QTMAN: variants seen among roughly 807,000 people sequenced by gnomAD.
The protein encoded by QTMAN is queuosine-tRNA mannosyltransferase, also known as tRNA-queuosine alpha-mannosyltransferase.
the QTMAN span, among the ~76,000 whole-genome samples, chr2:144,002,133 A>G: frequency 6.6e-6 from 1 of 152,028 alleles, no homozygotes; most frequent in Non-Finnish European, 1.5e-5. Flanking sequence ...AGGCAATGGC[A>G]CAAACAAGTC....
At chr2:144,112,164 A>C in the QTMAN span, among the ~76,000 whole-genome samples, 1 of 152,258 alleles carries the variant, frequency 6.6e-6, no homozygotes, top group Non-Finnish European at 1.5e-5. Context: ...AAGCAATTTA[A>C]CAAATGACAC....
chr2:144,135,891 A>C, the QTMAN span, among the ~76,000 whole-genome samples: 1 of 152,220 alleles, frequency 6.6e-6, no homozygotes, highest in African/African-American at 2.4e-5. Flanking sequence ...TCAACAAGAA[A>C]TGTCTTTCAG....
At chr2:144,178,171 A>G in the QTMAN span, 1 of 152,194 alleles carries the variant, frequency 6.6e-6, no homozygotes, top group Non-Finnish European at 1.5e-5. Flanking sequence ...GCCATTTCCT[A>G]TATTAGAAGC....
chr2:144,220,653 A>C, the QTMAN span, among the ~76,000 whole-genome samples: 1 of 152,226 alleles, frequency 6.6e-6, no homozygotes, highest in African/African-American at 2.4e-5. Context: ...AAAGTTACTT[A>C]GGAGTTAGTT....
At chr2:144,170,744 T>A in the QTMAN span, among the ~76,000 whole-genome samples, 1 of 152,114 alleles carries the variant, frequency 6.6e-6, no homozygotes, top group Non-Finnish European at 1.5e-5. Context: ...GACCTATGGA[T>A]AACTATCTCC....
At chr2:144,007,393 A>G in the QTMAN span, 2 of 1,613,292 alleles carry the variant, frequency 1.2e-6, no homozygotes. Context: ...TGTGTATCAC[A>G]CTCTGAATTA....
the QTMAN span, among the ~76,000 whole-genome samples, chr2:144,282,547 T>G: frequency 3.3e-5 from 5 of 152,010 alleles, no homozygotes; most frequent in African/African-American, 1.2e-4. Context: ...GAAAGGAGAA[T>G]GGAATTAGGC....
the QTMAN span, among the ~76,000 whole-genome samples, chr2:144,307,588 G>A: frequency 7.9e-5 from 12 of 152,314 alleles, no homozygotes; most frequent in Admixed American, 2.6e-4. Context: ...ATCATATATA[G>A]AGAGCATCCT....
At chr2:144,308,147 CAT>C in the QTMAN span, among the ~76,000 whole-genome samples, 2 of 147,944 alleles carry the variant, frequency 1.4e-5, no homozygotes, top group African/African-American at 2.5e-5. Flanking sequence ...AAAACCCACA[CAT>C]ATATGATTGG....
At chr2:144,098,188 C>A in the QTMAN span, among the ~76,000 whole-genome samples, 1 of 152,186 alleles carries the variant, frequency 6.6e-6, no homozygotes, top group Non-Finnish European at 1.5e-5. Context: ...AGGCTCACAA[C>A]CAATACGTCA....
At chr2:144,086,339 G>T in the QTMAN span, among the ~76,000 whole-genome samples, 2 of 152,136 alleles carry the variant, frequency 1.3e-5, no homozygotes, top group Non-Finnish European at 2.9e-5. Context: ...TTGAGATAGG[G>T]TCTCGCTGTG....
chr2:144,101,385 ATC>A, the QTMAN span, among the ~76,000 whole-genome samples: 1 of 140,714 alleles, frequency 7.1e-6, no homozygotes, highest in Non-Finnish European at 1.6e-5. Context: ...AATCATGTCT[ATC>A]TCTCTCTCAC....
the QTMAN span, among the ~76,000 whole-genome samples, chr2:144,030,113 T>C: frequency 6.6e-6 from 1 of 152,222 alleles, no homozygotes; most frequent in Non-Finnish European, 1.5e-5. Context: ...TGTTTGGCCT[T>C]TGCAGTTTAG....
the QTMAN span, among the ~76,000 whole-genome samples, chr2:144,188,684 A>C: frequency 6.6e-6 from 1 of 152,226 alleles, no homozygotes; most frequent in African/African-American, 2.4e-5. Context: ...TCGCACCTAG[A>C]GACCAAAGCA....
the QTMAN span, chr2:144,007,531 T>C: frequency 1.9e-6 from 3 of 1,552,924 alleles, no homozygotes; most frequent in Non-Finnish European, 2.6e-6. Context: ...TGCTTGGGCA[T>C]GAATCTGTTA....
the QTMAN span, among the ~76,000 whole-genome samples, chr2:144,092,325 A>G: frequency 6.6e-6 from 1 of 151,768 alleles, no homozygotes; most frequent in African/African-American, 2.4e-5. Context: ...ACAGGCGCCC[A>G]CCACCGTGCC....
the QTMAN span, among the ~76,000 whole-genome samples, chr2:144,320,987 T>C: frequency 6.6e-6 from 1 of 152,218 alleles, no homozygotes; most frequent in Non-Finnish European, 1.5e-5. Context: ...GTTCAGTTCA[T>C]ATAACAAGAG....
the QTMAN span, among the ~76,000 whole-genome samples, chr2:144,292,223 G>T: frequency 5.3e-5 from 8 of 152,178 alleles, no homozygotes; most frequent in Admixed American, 2.6e-4. Flanking sequence ...ACCCAGTTTG[G>T]GACAGTCCAG....
At chr2:144,055,082 A>T in the QTMAN span, among the ~76,000 whole-genome samples, 1 of 152,180 alleles carries the variant, frequency 6.6e-6, no homozygotes, top group Non-Finnish European at 1.5e-5. Flanking sequence ...GAAGAAGAAG[A>T]TAAAAAATGA....
Sources: allele counts gnomAD v4.1 joint callset (sites outside exome capture counted in the v4.1 genomes callset), GRCh38; gene constraint gnomAD v4.1.1; transcripts MANE v1.5; gene names NCBI Gene and HGNC (gene_info 2026-07-23, HGNC 2026-07-21).